Variants in SCN1A observed in about 807,000 individuals in gnomAD.
SCN1A encodes the protein sodium voltage-gated channel alpha subunit 1.
A neutral mutation model predicts 193.7 loss-of-function variants in SCN1A; 13 were observed. The observed-to-expected ratio is 0.07, with a 90% CI of 0.04 to 0.11. SCN1A has a LOEUF of 0.11. SCN1A is among the 10% of genes least tolerant of loss of function. The probability of loss-of-function intolerance (pLI) is 1.00; values close to 1 mark genes in which losing one functional copy is unlikely to be tolerated. For synonymous variants in SCN1A, 781 were observed against 843.6 expected (o/e 0.93, Z 1.29); for missense variants, 1,432 against 2,451.1 (o/e 0.58, Z 8.78).
upstream of SCN1A, among the ~76,000 whole-genome samples, chr2:166,129,683 T>G (rs1452205385): frequency 6.6e-6 from 1 of 152,160 alleles, no homozygotes; most frequent in Non-Finnish European, 1.5e-5. Flanking sequence ...TAACAGGCAA[T>G]TTTTTTAGAA....
chr2:166,013,664 G>T, intron 21 of SCN1A, 80 bp downstream of exon 21: 1 of 1,310,860 alleles, frequency 7.6e-7, no homozygotes, highest in Non-Finnish European at 1.1e-6. Context: ...CTAAGACAAT[G>T]AAACAAAGGA....
intron 2 of SCN1A, among the ~76,000 whole-genome samples, chr2:166,099,569 A>G (rs1220635988): frequency 5.1e-5 from 5 of 97,104 alleles, no homozygotes; most frequent in African/African-American, 2.2e-4. Flanking sequence ...AGGAAGTCAA[A>G]TTGTCCCTGT....
chr2:165,999,586 A>G lies in SCN1A; in HGVS notation c.4338+137T>C, dbSNP rs550572081. On this transcript the variant is annotated intron_variant, in intron 25 of 28. Transcript: ENST00000674923. ...TTCTGATAAACATTGCTATGCTTGA[A>G]TATTTACCTGTCACACTTTTTCCCA... 1.1e-5 allele frequency: 8 copies of G among 707,154 alleles called. No homozygotes were observed. The East Asian group carries it at 2.1e-4, about 18-fold the overall frequency. The allele number at this position is 707,154 out of a possible 1,614,324, so 43.8% of individuals were successfully genotyped here. A position where few individuals can be genotyped will look rare whatever the true frequency, so the allele number is the denominator to read the frequency against.
At chr2:166,085,872 T>C (rs1461899495) in intron 2 of SCN1A, among the ~76,000 whole-genome samples, 1 of 152,140 alleles carries the variant, frequency 6.6e-6, no homozygotes, top group African/African-American at 2.4e-5. Context: ...TGGATTATTG[T>C]TCAGAGAAGA....
chr2:166,089,284 A>G (rs527282019), intron 2 of SCN1A, among the ~76,000 whole-genome samples: 6 of 152,234 alleles, frequency 3.9e-5, no homozygotes, highest in African/African-American at 1.4e-4. Flanking sequence ...CTGAAAGTCA[A>G]ATATAACTGG....
At chr2:166,103,068 G>GAT (rs58394206) in intron 2 of SCN1A, among the ~76,000 whole-genome samples, 6,358 of 148,934 alleles carry the variant, frequency 0.043, 152 homozygotes, top group South Asian at 0.063. Flanking sequence ...AGATTTGGGA[G>GAT]ATATATATAT....
At position 166,095,829 on chromosome 2, in the gene SCN1A, C is replaced by T. The variant is rs554054989; in HGVS notation, c.-141-18028G>A. ...TTAAAATTTATATTTAATGTCAATACCCAGCATGAAAAACTATTAAATGGT... is the reference window on the plus strand; with the variant it reads ...TTAAAATTTATATTTAATGTCAATATCCAGCATGAAAAACTATTAAATGGT... On this transcript the variant is annotated intron_variant, in intron 2 of 28. Transcript: ENST00000674923. Among the ~76,000 whole-genome samples the T allele has an allele frequency of 6.6e-5, 10 of 152,178 alleles. No individual in the cohort carries two copies. In the South Asian group the frequency reaches 1.9e-3, roughly 28 times the overall value.
At chr2:166,023,358 A>G (rs1427372896) in intron 19 of SCN1A, among the ~76,000 whole-genome samples, 1 of 152,262 alleles carries the variant, frequency 6.6e-6, no homozygotes, top group South Asian at 2.1e-4. Context: ...AGTAGTGGAA[A>G]GAAAGCCACC....
intron 19 of SCN1A, among the ~76,000 whole-genome samples, chr2:166,017,583 G>A (rs1045360779): frequency 2.6e-5 from 4 of 151,862 alleles, no homozygotes; most frequent in East Asian, 1.9e-4. Context: ...GGCACTATCC[G>A]GGACATAATG....
chr2:166,141,630 C>T (rs1035143369), intron 1 of SCN1A, among the ~76,000 whole-genome samples: 2 of 152,050 alleles, frequency 1.3e-5, no homozygotes, highest in African/African-American at 4.8e-5. Flanking sequence ...CTTATTATTG[C>T]TTAAAATATT....
At chr2:166,035,532 A>C (rs1338597251) in intron 19 of SCN1A, among the ~76,000 whole-genome samples, 1 of 152,216 alleles carries the variant, frequency 6.6e-6, no homozygotes, top group African/African-American at 2.4e-5. Context: ...TCAATTTACA[A>C]TGAGGTTAGT....
At chr2:166,019,055 T>G (rs747616450) in intron 19 of SCN1A, among the ~76,000 whole-genome samples, 29 of 152,180 alleles carry the variant, frequency 1.9e-4, no homozygotes, top group Non-Finnish European at 3.4e-4. Flanking sequence ...ATGGGTGGGC[T>G]GTAGATCCAG....
chr2:166,095,189 A>G, intron 2 of SCN1A, among the ~76,000 whole-genome samples: 1 of 152,122 alleles, frequency 6.6e-6, no homozygotes, highest in East Asian at 1.9e-4. Context: ...GGCAGTTATT[A>G]TGTCTCTCTT....
intron 23 of SCN1A, among the ~76,000 whole-genome samples, chr2:166,006,465 G>A (rs1310179090): frequency 6.6e-6 from 1 of 151,226 alleles, no homozygotes; most frequent in African/African-American, 2.4e-5. Flanking sequence ...AAGTTAGTTG[G>A]GAGTTACTTA....
chr2:166,029,042 C>T lies in SCN1A; in HGVS notation c.3429+7006G>A, dbSNP rs191222611. On this transcript the variant is annotated intron_variant, in intron 19 of 28. Transcript: ENST00000674923. ...TTCCTGTCAGAGAGAAAAGGTATAA[C>T]GATGAGAACTGATAAAGCATAGGGA... Among the ~76,000 whole-genome samples the T allele has an allele frequency of 3.8e-3, 574 of 152,088 alleles. 2 individuals carry two copies. The highest frequency in any genetic ancestry group is 0.019 in the Admixed American group (296 of 15,248).
At chr2:165,985,766 G>A (rs1201856051), downstream of SCN1A, 1 of 151,992 alleles carries the variant, frequency 6.6e-6, no homozygotes, top group African/African-American at 2.4e-5. Context: ...AACCTCAGTG[G>A]GATATTTCCA....
chr2:166,085,679 A>T (rs1046843861), intron 2 of SCN1A, among the ~76,000 whole-genome samples: 12 of 152,242 alleles, frequency 7.9e-5, no homozygotes, highest in African/African-American at 2.9e-4. Flanking sequence ...GGGAATGAGT[A>T]TCAGGTGTTT....
At chr2:166,080,884 G>A (rs1321122400) in intron 2 of SCN1A, among the ~76,000 whole-genome samples, 1 of 151,714 alleles carries the variant, frequency 6.6e-6, no homozygotes, top group Non-Finnish European at 1.5e-5. Flanking sequence ...TAAATCTGTA[G>A]CATTATAATT....
chr2:166,105,980 G>A (rs535617454), intron 2 of SCN1A, among the ~76,000 whole-genome samples: 141 of 152,314 alleles, frequency 9.3e-4, no homozygotes, highest in Non-Finnish European at 1.6e-3. Context: ...GAGGTCAGGA[G>A]ATCGAGACCA....
Sources: gnomAD v4.1 joint callset for allele counts (sites outside exome capture counted in the v4.1 genomes callset) on GRCh38, gnomAD v4.1.1 for gene constraint, MANE v1.5 for transcripts, NCBI Gene and HGNC (gene_info 2026-07-23, HGNC 2026-07-21) for gene names.